MYO3B: variants seen among roughly 807,000 people sequenced by gnomAD.
The protein encoded by MYO3B is myosin-IIIb.
A neutral mutation model predicts 174.6 loss-of-function variants in MYO3B; 156 were observed. The ratio of observed to expected loss-of-function variants is 0.89; its 90% CI spans 0.78 to 1.02. The LOEUF (loss-of-function observed/expected upper bound fraction) is 1.02. Ranked by LOEUF, MYO3B falls within the 50% of genes least tolerant of loss-of-function variation. The pLI is 0.00. For missense variants in MYO3B, 1,632 were observed against 1,639.4 expected (o/e 1.00, Z 0.08); for synonymous variants, 563 against 569.1 (o/e 0.99, Z 0.15).
At chr2:170,372,891 A>G (rs1468363302) in intron 9 of MYO3B, among the ~76,000 whole-genome samples, 3 of 152,182 alleles carry the variant, frequency 2.0e-5, no homozygotes, top group Non-Finnish European at 4.4e-5. Context: ...CACAAGGGCT[A>G]GAGAGAGCTT....
chr2:170,373,892 C>T lies in MYO3B; in HGVS notation c.971+4515C>T, dbSNP rs568555993. Among the ~76,000 whole-genome samples, 4 of 150,922 alleles carry T rather than the reference C, an allele frequency of 2.7e-5. No individual in the cohort carries two copies. In the East Asian group the frequency reaches 5.8e-4, roughly 22 times the overall value. The stretch of plus-strand genomic sequence containing the variant: ...GAGTGGATTGTGGACTCCAGGGAAT[C>T]GTTAAATCTTTGAGATATTCACTAT... On this transcript the variant is annotated intron_variant, in intron 9 of 34. Transcript: ENST00000408978.
intron 8 of MYO3B, chr2:170,347,928 C>G (rs1023583950): frequency 6.6e-6 from 1 of 152,194 alleles, no homozygotes; most frequent in Non-Finnish European, 1.5e-5. Flanking sequence ...CAGCCCCTGA[C>G]AAACAGCAAT....
intron 7 of MYO3B, among the ~76,000 whole-genome samples, chr2:170,243,691 G>A (rs114069865): frequency 1.8e-3 from 274 of 152,240 alleles, no homozygotes; most frequent in African/African-American, 6.3e-3. Context: ...TATCTCAAGG[G>A]CATATTTATA....
At chr2:170,608,851 G>C (rs1404489380) in intron 32 of MYO3B, among the ~76,000 whole-genome samples, 1 of 152,088 alleles carries the variant, frequency 6.6e-6, no homozygotes, top group East Asian at 1.9e-4. Flanking sequence ...CTACAAGAAA[G>C]ACTTTTGTTT....
chr2:170,513,653 A>G (rs899572601), intron 28 of MYO3B, among the ~76,000 whole-genome samples: 1 of 152,202 alleles, frequency 6.6e-6, no homozygotes, highest in African/African-American at 2.4e-5. Context: ...ACACCCCCTT[A>G]AAAGTTTCAG....
intron 3 of MYO3B, among the ~76,000 whole-genome samples, chr2:170,211,670 T>G (rs1053227344): frequency 3.9e-5 from 6 of 152,096 alleles, no homozygotes; most frequent in Non-Finnish European, 7.4e-5. Context: ...AACTGGAAAG[T>G]ACTCATTTCC....
chr2:170,406,384 A>G (rs897229707), intron 21 of MYO3B, among the ~76,000 whole-genome samples: 9 of 152,216 alleles, frequency 5.9e-5, no homozygotes, highest in African/African-American at 2.2e-4. Flanking sequence ...TATTCACATC[A>G]TGGCATTGGA....
At chr2:170,425,667 A>T (rs1437326335) in intron 22 of MYO3B, among the ~76,000 whole-genome samples, 3 of 152,194 alleles carry the variant, frequency 2.0e-5, no homozygotes, top group Non-Finnish European at 2.9e-5. Context: ...AAACAGCCAA[A>T]AAAAATCCAG....
intron 16 of MYO3B, among the ~76,000 whole-genome samples, chr2:170,397,794 C>A (rs1239498643): frequency 6.6e-6 from 1 of 152,198 alleles, no homozygotes; most frequent in Non-Finnish European, 1.5e-5. Context: ...ACCTATACTT[C>A]TGTCTCCTAT....
intron 7 of MYO3B, among the ~76,000 whole-genome samples, chr2:170,236,671 C>T (rs1202562445): frequency 2.6e-5 from 4 of 152,166 alleles, no homozygotes; most frequent in Non-Finnish European, 5.9e-5. Flanking sequence ...AGTATACTTT[C>T]TATTCTGTGT....
intron 32 of MYO3B, among the ~76,000 whole-genome samples, chr2:170,626,087 A>G (rs573213310): frequency 2.3e-4 from 35 of 152,212 alleles, no homozygotes; most frequent in African/African-American, 6.7e-4. Flanking sequence ...GAGCAGAGCT[A>G]AATTCATTTC....
intron 7 of MYO3B, among the ~76,000 whole-genome samples, chr2:170,255,405 G>A (rs1032248305): frequency 1.3e-5 from 2 of 152,116 alleles, no homozygotes; most frequent in Non-Finnish European, 2.9e-5. Context: ...TACAAAAAAG[G>A]TACATAACTA....
chr2:170,301,355 T>A (rs568361681), intron 7 of MYO3B, among the ~76,000 whole-genome samples: 1 of 152,322 alleles, frequency 6.6e-6, no homozygotes, highest in South Asian at 2.1e-4. Context: ...ACATTTTAGA[T>A]TACTTTATAC....
chr2:170,360,157 G>A (rs552879572), intron 8 of MYO3B, among the ~76,000 whole-genome samples: 44 of 152,230 alleles, frequency 2.9e-4, no homozygotes, highest in African/African-American at 1.0e-3. Flanking sequence ...TCTGTTAGAG[G>A]ATGGCTGGGT....
chr2:170,276,012 G>A (rs2093461538), intron 7 of MYO3B, among the ~76,000 whole-genome samples: 1 of 152,156 alleles, frequency 6.6e-6, no homozygotes, highest in Non-Finnish European at 1.5e-5. Context: ...GAGGACATTG[G>A]AAGAATACTT....
intron 22 of MYO3B, among the ~76,000 whole-genome samples, chr2:170,414,434 A>C (rs529205491): frequency 6.6e-6 from 1 of 152,084 alleles, no homozygotes; most frequent in South Asian, 2.1e-4. Context: ...TGATCCACCC[A>C]CCTCAGCCTC....
chr2:170,618,966 G>C (rs567869579), intron 32 of MYO3B, among the ~76,000 whole-genome samples: 3 of 152,254 alleles, frequency 2.0e-5, no homozygotes, highest in African/African-American at 4.8e-5. Context: ...CCTATGATTA[G>C]CAAGATATTA....
At chr2:170,463,513 T>A (rs1459383296) in intron 24 of MYO3B, 68 bp downstream of exon 24, 11 of 1,362,662 alleles carry the variant, frequency 8.1e-6, no homozygotes, top group Non-Finnish European at 1.1e-5. Flanking sequence ...TCTTATGAGA[T>A]GCCCAGATGG....
At chr2:170,239,052 C>T (rs376776867) in intron 7 of MYO3B, among the ~76,000 whole-genome samples, 4 of 152,316 alleles carry the variant, frequency 2.6e-5, no homozygotes, top group African/African-American at 2.4e-5. Flanking sequence ...TCTCGTCTAA[C>T]GCCTTTGCTC....
Sources: gnomAD v4.1 joint callset for allele counts (sites outside exome capture counted in the v4.1 genomes callset) on GRCh38, gnomAD v4.1.1 for gene constraint, MANE v1.5 for transcripts, NCBI Gene and HGNC (gene_info 2026-07-23, HGNC 2026-07-21) for gene names.